RBFOX1: variants seen among roughly 807,000 people sequenced by gnomAD.
The protein encoded by RBFOX1 is RNA binding fox-1 homolog 1.
RBFOX1 carries 8 observed loss-of-function variants against 57.7 expected under a neutral mutation model. The ratio of observed to expected loss-of-function variants is 0.14; its 90% CI spans 0.08 to 0.25. RBFOX1 has a LOEUF of 0.25. Among genes scored for constraint, RBFOX1 ranks in the 10% least tolerant of loss-of-function variants. The pLI is 1.00. For missense variants in RBFOX1, 611 were observed against 548.5 expected (o/e 1.11, Z -1.14); for synonymous variants, 326 against 222.4 (o/e 1.47, Z -4.15).
chr16:6,374,711 G>C (rs903746048), intron 2 of RBFOX1, among the ~76,000 whole-genome samples: 2 of 152,172 alleles, frequency 1.3e-5, no homozygotes, highest in African/African-American at 4.8e-5. Flanking sequence ...TAAGAACGAA[G>C]AGACTGTTAT....
At chr16:7,181,219 A>G (rs370157132) in intron 4 of RBFOX1, among the ~76,000 whole-genome samples, 3 of 152,040 alleles carry the variant, frequency 2.0e-5, no homozygotes, top group East Asian at 3.9e-4. Context: ...CTAGATGTTA[A>G]ATAGGGAAAC....
chr16:6,076,494 G>T (rs1242468571), intron 1 of RBFOX1, among the ~76,000 whole-genome samples: 5 of 151,912 alleles, frequency 3.3e-5, no homozygotes, highest in African/African-American at 1.2e-4. Flanking sequence ...TTGAGTTAGG[G>T]TCTTGCTCTG....
chr16:7,492,794 A>C (rs926710060), intron 4 of RBFOX1, among the ~76,000 whole-genome samples: 1 of 152,090 alleles, frequency 6.6e-6, no homozygotes, highest in African/African-American at 2.4e-5. Context: ...GACTCTCACC[A>C]TGTGACATGC....
At chr16:7,623,759 C>T (rs1383059070) in intron 10 of RBFOX1, among the ~76,000 whole-genome samples, 1 of 152,104 alleles carries the variant, frequency 6.6e-6, no homozygotes, top group Non-Finnish European at 1.5e-5. Context: ...ATGGTGTTGG[C>T]AGGGTTGGTT....
chr16:5,600,854 A>T (rs1203563931), downstream of RBFOX1, among the ~76,000 whole-genome samples: 1 of 152,146 alleles, frequency 6.6e-6, no homozygotes, highest in Non-Finnish European at 1.5e-5. Flanking sequence ...CAAATGTTTG[A>T]TCTCTGTTCT....
chr16:5,873,082 A>G (rs971689175), intron 4 of RBFOX1, among the ~76,000 whole-genome samples: 15 of 152,102 alleles, frequency 9.9e-5, no homozygotes, highest in African/African-American at 3.6e-4. Flanking sequence ...CCCAGGAGGC[A>G]GAGGTTGCAG....
At chr16:5,548,153 T>A (rs2045294971) in intron 2 of RBFOX1, among the ~76,000 whole-genome samples, 1 of 79,602 alleles carries the variant, frequency 1.3e-5, no homozygotes, top group Non-Finnish European at 2.7e-5. Flanking sequence ...AGAGCAAGAC[T>A]CTGTTAAAAA....
chr16:5,325,208 C>T (rs2064533974), intron 1 of RBFOX1, among the ~76,000 whole-genome samples: 1 of 152,012 alleles, frequency 6.6e-6, no homozygotes, highest in African/African-American at 2.4e-5. Context: ...TCTCTCTTCC[C>T]CTTCCCTCTT....
At chr16:7,640,501 C>T (rs979549878) in intron 11 of RBFOX1, among the ~76,000 whole-genome samples, 24 of 152,272 alleles carry the variant, frequency 1.6e-4, no homozygotes, top group African/African-American at 4.3e-4. Flanking sequence ...ATACATATGA[C>T]AGATAAGGAG....
intron 1 of RBFOX1, among the ~76,000 whole-genome samples, chr16:6,066,912 C>A (rs2095772010): frequency 6.6e-6 from 1 of 151,756 alleles, no homozygotes. Flanking sequence ...GTTGACTCAC[C>A]ATTATGGTGT....
intron 3 of RBFOX1, among the ~76,000 whole-genome samples, chr16:5,847,401 T>G (rs563373077): frequency 6.6e-6 from 1 of 152,132 alleles, no homozygotes; most frequent in East Asian, 1.9e-4. Flanking sequence ...AGATCCTGAT[T>G]GCATCAAAGG....
intron 2 of RBFOX1, among the ~76,000 whole-genome samples, chr16:6,624,212 C>G (rs897807015): frequency 6.6e-6 from 1 of 152,076 alleles, no homozygotes; most frequent in East Asian, 1.9e-4. Context: ...TGGTTACTGC[C>G]TTTCCTAAGG....
intron 3 of RBFOX1, among the ~76,000 whole-genome samples, chr16:5,753,203 C>G (rs543909840): frequency 2.0e-5 from 3 of 151,686 alleles, no homozygotes; most frequent in Non-Finnish European, 4.4e-5. Context: ...TGAGTGGGCA[C>G]TAAACTTCAA....
intron 4 of RBFOX1, among the ~76,000 whole-genome samples, chr16:7,090,610 C>G (rs988479823): frequency 1.8e-4 from 28 of 152,028 alleles, no homozygotes; most frequent in African/African-American, 5.8e-4. Flanking sequence ...GAAGGTTTTC[C>G]TATCAAAAAT....
At chr16:5,891,213 A>G (rs536257251) in intron 4 of RBFOX1, among the ~76,000 whole-genome samples, 5 of 149,090 alleles carry the variant, frequency 3.4e-5, no homozygotes, top group East Asian at 4.0e-4. Flanking sequence ...TCTCTCGTGC[A>G]TGTGAGGGAC....
intron 4 of RBFOX1, among the ~76,000 whole-genome samples, chr16:7,392,786 T>C (rs2098058572): frequency 6.6e-6 from 1 of 152,192 alleles, no homozygotes; most frequent in Non-Finnish European, 1.5e-5. Flanking sequence ...ACTGTAGGGA[T>C]GTCCTCAGTC....
intron 4 of RBFOX1, among the ~76,000 whole-genome samples, chr16:5,901,245 G>A (rs569753626): frequency 2.0e-5 from 3 of 152,232 alleles, no homozygotes; most frequent in South Asian, 2.1e-4. Context: ...CCCCGTTCAC[G>A]CGGTCTTTGT....
intron 2 of RBFOX1, among the ~76,000 whole-genome samples, chr16:6,427,614 C>T (rs184368122): frequency 1.3e-4 from 20 of 152,140 alleles, no homozygotes; most frequent in African/African-American, 4.3e-4. Flanking sequence ...TTGAGGAGGA[C>T]GTGGAGCTGC....
intron 4 of RBFOX1, among the ~76,000 whole-genome samples, chr16:7,238,173 A>G (rs946801465): frequency 6.6e-6 from 1 of 152,160 alleles, no homozygotes; most frequent in Non-Finnish European, 1.5e-5. Flanking sequence ...GGTCGTTACC[A>G]AGGGCTGGGA....
Sources: gnomAD v4.1 joint callset for allele counts (sites outside exome capture counted in the v4.1 genomes callset) on GRCh38, gnomAD v4.1.1 for gene constraint, MANE v1.5 for transcripts, NCBI Gene and HGNC (gene_info 2026-07-23, HGNC 2026-07-21) for gene names.